SLC16A1: variants seen among roughly 807,000 people sequenced by gnomAD.
SLC16A1 encodes the protein solute carrier family 16 member 1, also known as monocarboxylate transporter 1.
Under a neutral mutation model 32.2 loss-of-function variants are expected in SLC16A1, and 11 were observed. That is an observed-to-expected ratio of 0.34 (90% confidence interval 0.21 to 0.56). The LOEUF (loss-of-function observed/expected upper bound fraction) is 0.56. SLC16A1 is among the 20% of genes least tolerant of loss of function. The pLI is 0.87. For synonymous variants in SLC16A1, 231 were observed against 226.8 expected, an observed-to-expected ratio of 1.02 and a Z score of -0.17; for missense variants, 435 against 615.0, an observed-to-expected ratio of 0.71 and a Z score of 3.10.
chr1:112,920,900 G>C (rs1371052474), intron 3 of SLC16A1, among the ~76,000 whole-genome samples: 1 of 152,224 alleles, frequency 6.6e-6, no homozygotes, highest in East Asian at 1.9e-4. Flanking sequence ...AGCACTTTGG[G>C]AGGCCGAGGC....
rs556976823 is a variant in SLC16A1, at chr1:112,944,425, C to G, written c.-45+11610G>C. On this transcript the variant is annotated intron_variant, in intron 1 of 4. Transcript: ENST00000369626. Reference sequence around the variant, plus strand: ...CGCCACTGGACCCCAGCCTGGGCAACAGAGTGAACCCGTCTCAAAAAACGA... The same window carrying G: ...CGCCACTGGACCCCAGCCTGGGCAAGAGAGTGAACCCGTCTCAAAAAACGA... Among the ~76,000 whole-genome samples the G allele has an allele frequency of 3.3e-5, 5 of 152,218 alleles. No individual in the cohort carries two copies. The East Asian group carries it at 9.7e-4, about 29-fold the overall frequency.
At chr1:112,931,337 A>ATC (rs1397213735) in intron 1 of SLC16A1, among the ~76,000 whole-genome samples, 1 of 152,060 alleles carries the variant, frequency 6.6e-6, no homozygotes, top group Non-Finnish European at 1.5e-5. Flanking sequence ...ATAAATATAT[A>ATC]TATGATGTCA....
chr1:112,920,761 C>T (rs754625437), intron 3 of SLC16A1, among the ~76,000 whole-genome samples: 13 of 151,974 alleles, frequency 8.6e-5, no homozygotes, highest in Non-Finnish European at 1.6e-4. Context: ...CCATAAAATA[C>T]GTTTTGAATA....
intron 1 of SLC16A1, among the ~76,000 whole-genome samples, chr1:112,938,426 T>G (rs575649645): frequency 7.0e-4 from 107 of 152,202 alleles, no homozygotes; most frequent in African/African-American, 2.4e-3. Flanking sequence ...ACTTTGAAAC[T>G]GAATACATTG....
Position 112,933,184 on chromosome 1 carries a change from A to G in SLC16A1, c.-44-3832T>C, listed in dbSNP as rs182221716. ...AACATAAAGAAACAACTATAAAAAA[A>G]GTTGGCCGGGCGCAGTGGCTCACGC... is the stretch of plus-strand genomic sequence containing the variant. On this transcript the variant is annotated intron_variant, in intron 1 of 4. Transcript: ENST00000369626. 7.2e-5 allele frequency among the ~76,000 whole-genome samples: 11 copies of G among 152,256 alleles called. No homozygotes were observed. The South Asian group carries it at 1.9e-3, about 26-fold the overall frequency.
intron 1 of SLC16A1, among the ~76,000 whole-genome samples, chr1:112,941,978 T>C (rs1001551623): frequency 4.7e-5 from 7 of 147,862 alleles, no homozygotes; most frequent in South Asian, 4.3e-4. Context: ...TATGACCCCC[T>C]TTTTTTTTTG....
intron 4 of SLC16A1, among the ~76,000 whole-genome samples, chr1:112,915,175 G>A (rs1329866498): frequency 6.6e-6 from 1 of 152,196 alleles, no homozygotes; most frequent in African/African-American, 2.4e-5. Context: ...CCACAGTTCA[G>A]TGGACAAGAG....
At chr1:112,929,684 A>G (rs1030460247) in intron 1 of SLC16A1, among the ~76,000 whole-genome samples, 8 of 152,128 alleles carry the variant, frequency 5.3e-5, no homozygotes, top group Admixed American at 5.2e-4. Flanking sequence ...CAACTTTACA[A>G]AAAAATTAAA....
chr1:112,955,642 G>C (rs987209941), intron 1 of SLC16A1: 8 of 152,254 alleles, frequency 5.3e-5, no homozygotes, highest in African/African-American at 1.7e-4. Flanking sequence ...GGCCAGGAGA[G>C]TCTGGAGGTA....
chr1:112,938,917 G>C (rs1649402712), intron 1 of SLC16A1, among the ~76,000 whole-genome samples: 1 of 149,170 alleles, frequency 6.7e-6, no homozygotes, highest in African/African-American at 2.5e-5. Flanking sequence ...TTGAGATGGA[G>C]TCTTGCCCTG....
At chr1:112,929,057 G>T in intron 2 of SLC16A1, 35 bp downstream of exon 2, 1 of 1,492,508 alleles carries the variant, frequency 6.7e-7, no homozygotes, top group Non-Finnish European at 9.3e-7. Flanking sequence ...GCTGCTTCAT[G>T]AAAATTAAAA....
intron 1 of SLC16A1, among the ~76,000 whole-genome samples, chr1:112,944,640 A>G (rs897001939): frequency 2.0e-5 from 3 of 152,270 alleles, no homozygotes; most frequent in Non-Finnish European, 4.4e-5. Flanking sequence ...ATGAATAAAC[A>G]TAAATATGGA....
intron 1 of SLC16A1, among the ~76,000 whole-genome samples, chr1:112,941,368 G>A (rs1437694374): frequency 4.2e-5 from 6 of 142,680 alleles, no homozygotes; most frequent in Admixed American, 3.7e-4. Context: ...CGCAACCTCC[G>A]CCTCCTGGAT....
At chr1:112,945,899 G>A (rs145298423) in intron 1 of SLC16A1, among the ~76,000 whole-genome samples, 2 of 152,108 alleles carry the variant, frequency 1.3e-5, no homozygotes, top group African/African-American at 4.8e-5. Flanking sequence ...AGCTGAGGCA[G>A]GAGAATCACG....
chr1:112,927,238 C>G (rs1292238774), intron 2 of SLC16A1, among the ~76,000 whole-genome samples: 1 of 151,130 alleles, frequency 6.6e-6, no homozygotes, highest in Non-Finnish European at 1.5e-5. Flanking sequence ...AATTCCAAAC[C>G]ACAAGTGTTA....
At chr1:112,933,177 T>TA (rs1307883340) in intron 1 of SLC16A1, among the ~76,000 whole-genome samples, 2 of 152,054 alleles carry the variant, frequency 1.3e-5, no homozygotes, top group East Asian at 1.9e-4. Flanking sequence ...GAAACAACTA[T>TA]AAAAAAAGTT....
At chr1:112,927,073 A>G (rs1294630827) in intron 2 of SLC16A1, among the ~76,000 whole-genome samples, 1 of 148,634 alleles carries the variant, frequency 6.7e-6, no homozygotes, top group African/African-American at 2.5e-5. Flanking sequence ...CTGCAGGGAG[A>G]CATGATCATG....
At chr1:112,953,710 G>A (rs764437353) in intron 1 of SLC16A1, among the ~76,000 whole-genome samples, 12 of 152,140 alleles carry the variant, frequency 7.9e-5, no homozygotes, top group Non-Finnish European at 1.5e-4. Flanking sequence ...ACTCTTGAGT[G>A]TAGCTTCAGT....
In SLC16A1 at chr1:112,912,472, T is replaced by G. The variant is rs1204359673; in HGVS notation, c.*1419A>C. ...AATGCATTGAATATAATTCATTGAA[T>G]GTCTGTATCTTTCTGCCTCGATTTA... On this transcript the variant is annotated 3_prime_UTR_variant, in exon 5 of 5. Coordinates refer to ENST00000369626, the MANE Select transcript of SLC16A1 (RefSeq NM_003051.4). The G allele has an allele frequency of 6.6e-6, 1 of 152,218 alleles. No homozygotes were observed. Among genetic ancestry groups the G allele is most frequent in the East Asian group, 1.9e-4 (1 of 5,204 alleles). The allele number at this position is 152,218 out of a possible 1,614,324, so 9.4% of individuals were successfully genotyped here.
Sources: allele counts gnomAD v4.1 joint callset (sites outside exome capture counted in the v4.1 genomes callset), GRCh38; gene constraint gnomAD v4.1.1; transcripts MANE v1.5; gene names NCBI Gene and HGNC (gene_info 2026-07-23, HGNC 2026-07-21).